RBMS3: variants seen among roughly 807,000 people sequenced by gnomAD.
RBMS3 encodes RNA binding motif single stranded interacting protein 3, also known as RNA-binding motif, single-stranded-interacting protein 3.
RBMS3 carries 27 observed loss-of-function variants against 66.8 expected under a neutral mutation model. The ratio of observed to expected loss-of-function variants is 0.40; its 90% CI spans 0.30 to 0.56. The LOEUF (loss-of-function observed/expected upper bound fraction) is 0.56. Ranked by LOEUF, RBMS3 falls within the 20% of genes least tolerant of loss-of-function variation. The probability of loss-of-function intolerance (pLI) is 0.40; values close to 1 mark genes in which losing one functional copy is unlikely to be tolerated. For missense variants in RBMS3, 513 were observed against 549.5 expected (o/e 0.93, Z 0.66); for synonymous variants, 188 against 183.0 (o/e 1.03, Z -0.22).
At chr3:29,827,264 G>A (rs2058234633) in intron 6 of RBMS3, among the ~76,000 whole-genome samples, 2 of 152,108 alleles carry the variant, frequency 1.3e-5, no homozygotes, top group Non-Finnish European at 2.9e-5. Context: ...AATTTGAGCT[G>A]CCATCAGTTA....
At chr3:29,700,869 T>C (rs910948298) in intron 4 of RBMS3, among the ~76,000 whole-genome samples, 11 of 151,648 alleles carry the variant, frequency 7.3e-5, no homozygotes, top group African/African-American at 2.7e-4. Flanking sequence ...CATGTGTGTG[T>C]GTTCGTGTGC....
chr3:29,906,287 G>A (rs1312802196), intron 10 of RBMS3, among the ~76,000 whole-genome samples: 1 of 152,024 alleles, frequency 6.6e-6, no homozygotes. Flanking sequence ...TCACAATTCT[G>A]GAGGATGGAA....
chr3:29,550,604 G>A (rs75887615), intron 3 of RBMS3, among the ~76,000 whole-genome samples: 5 of 151,956 alleles, frequency 3.3e-5, no homozygotes, highest in African/African-American at 1.2e-4. Context: ...GTAATATATA[G>A]TATACAGTAT....
chr3:29,354,888 C>G (rs1176503055), intron 1 of RBMS3, among the ~76,000 whole-genome samples: 1 of 151,200 alleles, frequency 6.6e-6, no homozygotes, highest in Non-Finnish European at 1.5e-5. Flanking sequence ...GTTCTAAGAA[C>G]TTCAACTATA....
At chr3:29,370,794 T>C (rs532859160) in intron 1 of RBMS3, among the ~76,000 whole-genome samples, 1 of 152,236 alleles carries the variant, frequency 6.6e-6, no homozygotes, top group Non-Finnish European at 1.5e-5. Context: ...TATATAGATT[T>C]GTTCAATGGC....
chr3:29,307,438 TG>T (rs2034087157), intron 1 of RBMS3, among the ~76,000 whole-genome samples: 1 of 151,928 alleles, frequency 6.6e-6, no homozygotes, highest in Non-Finnish European at 1.5e-5. Flanking sequence ...TCTCTCACCA[TG>T]ATAGGCCAGC....
At chr3:29,412,086 A>G (rs1371339528) in intron 1 of RBMS3, among the ~76,000 whole-genome samples, 3 of 152,244 alleles carry the variant, frequency 2.0e-5, no homozygotes, top group Non-Finnish European at 4.4e-5. Flanking sequence ...ATTTACATAT[A>G]TTGCAAACAT....
At chr3:29,553,569 C>G (rs1422176543) in intron 3 of RBMS3, among the ~76,000 whole-genome samples, 1 of 151,996 alleles carries the variant, frequency 6.6e-6, no homozygotes, top group African/African-American at 2.4e-5. Flanking sequence ...GAGGGTGCTG[C>G]CCAGATGGTG....
intron 1 of RBMS3, among the ~76,000 whole-genome samples, chr3:29,297,629 A>G (rs980034072): frequency 2.0e-5 from 3 of 151,904 alleles, no homozygotes; most frequent in East Asian, 2.0e-4. Flanking sequence ...CTGTCTCAGC[A>G]CTCTATTCAA....
chr3:29,874,745 T>C (rs571432920), intron 7 of RBMS3, among the ~76,000 whole-genome samples: 1 of 152,254 alleles, frequency 6.6e-6, no homozygotes. Context: ...TAAACCTTTT[T>C]TTTGGCACAA....
In RBMS3 at chr3:29,765,553, A is replaced by G. The variant is rs117263783; in HGVS notation, c.637+2564A>G. The stretch of plus-strand genomic sequence containing the variant: ...GTGTTCTGCCTTATCAAGATTTGAC[A>G]TATTTGAATTCAGAAGTTTGTGGTT... On this transcript the variant is annotated intron_variant, in intron 6 of 14. Coordinates refer to ENST00000383767, the MANE Select transcript of RBMS3 (RefSeq NM_001003793.3). Among the ~76,000 whole-genome samples the G allele has an allele frequency of 1.3e-3, 196 of 152,070 alleles. 3 individuals carry two copies. The East Asian group carries it at 0.034, about 26-fold the overall frequency.
intron 6 of RBMS3, among the ~76,000 whole-genome samples, chr3:29,764,622 G>T (rs1377301796): frequency 3.9e-5 from 6 of 151,936 alleles, no homozygotes; most frequent in African/African-American, 1.2e-4. Context: ...TCAATTTTTT[G>T]ATTTGTTCAA....
At chr3:29,591,947 G>C (rs1038781389) in intron 4 of RBMS3, among the ~76,000 whole-genome samples, 1 of 151,980 alleles carries the variant, frequency 6.6e-6, no homozygotes. Context: ...AATCACAAAA[G>C]AGACTAAGTG....
At chr3:29,650,756 G>A (rs2050117868) in intron 4 of RBMS3, among the ~76,000 whole-genome samples, 2 of 152,156 alleles carry the variant, frequency 1.3e-5, no homozygotes, top group South Asian at 2.1e-4. Flanking sequence ...TTAAAAGGCA[G>A]CACTAAAATA....
At chr3:29,928,530 T>C (rs2061015116) in intron 10 of RBMS3, among the ~76,000 whole-genome samples, 1 of 152,112 alleles carries the variant, frequency 6.6e-6, no homozygotes, top group Non-Finnish European at 1.5e-5. Context: ...AGGAAAGCTA[T>C]ATACCATGGG....
At chr3:29,519,923 C>G (rs951497014) in intron 3 of RBMS3, among the ~76,000 whole-genome samples, 3 of 152,036 alleles carry the variant, frequency 2.0e-5, no homozygotes, top group Non-Finnish European at 4.4e-5. Flanking sequence ...TACAGATGCT[C>G]CAGTTAAATT....
chr3:29,902,698 T>C (rs1218743012), intron 10 of RBMS3, among the ~76,000 whole-genome samples: 1 of 151,932 alleles, frequency 6.6e-6, no homozygotes, highest in Non-Finnish European at 1.5e-5. Flanking sequence ...ACATTTTCTC[T>C]TTCCTCACTT....
In RBMS3 at chr3:29,884,173, T is replaced by C. The variant is rs2059803527; in HGVS notation, c.756T>C (p.Ala252=). Residue 252 remains alanine, a synonymous_variant, in exon 8 of 15, where the codon GCT becomes GCC. Coordinates refer to ENST00000383767, the MANE Select transcript of RBMS3 (RefSeq NM_001003793.3). The part of the protein sequence containing the change: ...PWPREGEAGM[A]LTYDPTAAIQ... ...CATCCTATATACAGGCTGGCATGGCTTTGACCTATGACCCCACAGCTGCCA... is the reference window on the plus strand; with the variant it reads ...CATCCTATATACAGGCTGGCATGGCCTTGACCTATGACCCCACAGCTGCCA... 6.2e-7 allele frequency: 1 copy of C among 1,611,976 alleles called. No individual in the cohort carries two copies. The highest frequency in any genetic ancestry group is 1.7e-5 in the Admixed American group (1 of 59,808).
intron 14 of RBMS3, among the ~76,000 whole-genome samples, chr3:29,993,513 G>A (rs1699015886): frequency 1.3e-5 from 2 of 152,186 alleles, no homozygotes; most frequent in Non-Finnish European, 2.9e-5. Flanking sequence ...GATTTTGGAT[G>A]AGGTTAATAT....
Sources: gnomAD v4.1 joint callset for allele counts (sites outside exome capture counted in the v4.1 genomes callset) on GRCh38, gnomAD v4.1.1 for gene constraint, MANE v1.5 for transcripts, NCBI Gene and HGNC (gene_info 2026-07-23, HGNC 2026-07-21) for gene names.